The following HAUS7 variants were observed in gnomAD, a reference collection of about 807,000 sequenced individuals.
HAUS7 encodes the protein HAUS augmin-like complex subunit 7.
HAUS7 carries 3 observed loss-of-function variants against 28.4 expected under a neutral mutation model. The observed-to-expected ratio is 0.11, with a 90% CI of 0.05 to 0.27. HAUS7 has a LOEUF of 0.27. Ranked by LOEUF, HAUS7 falls within the 10% of genes least tolerant of loss-of-function variation. HAUS7 has a pLI of 1.00. For missense variants in HAUS7, 284 were observed against 297.3 expected (o/e 0.96, Z 0.33); for synonymous variants, 165 against 132.1 (o/e 1.25, Z -1.71).
chrX:153,491,047 G>A (rs1301350743), intron 1 of HAUS7, among the ~76,000 whole-genome samples: 3 of 111,595 alleles, frequency 2.7e-5, no homozygotes, highest in African/African-American at 9.8e-5. Flanking sequence ...ATGGAAGGGT[G>A]GGGAGGTTCG....
intron 1 of HAUS7, among the ~76,000 whole-genome samples, chrX:153,480,376 T>G (rs1164609285): frequency 9.2e-6 from 1 of 108,371 alleles, no homozygotes; most frequent in Admixed American, 9.6e-5. Context: ...TGAGAGGTAC[T>G]CTGGGTTACT....
rs1002777600 is a variant in HAUS7 at position 153,469,346 on chromosome X, G to C, written c.109-85C>G. On this transcript the variant is annotated intron_variant, in intron 1 of 9. Coordinates refer to ENST00000370211, the MANE Select transcript of HAUS7 (RefSeq NM_001385482.1). ...TATTTATTTATTTATTTTTGAGACG[G>C]AGTCTCACTCTGTCGCCCAGCCTGG... 3.7e-5 allele frequency: 18 copies of C among 480,907 alleles called. No individual in the cohort carries two copies. The Middle Eastern group carries it at 1.8e-3, about 47-fold the overall frequency. 39.6% of individuals were successfully genotyped at this position (480,907 alleles called of 1,213,427 possible).
chrX:153,462,950 G>A (rs1032889754), intron 3 of HAUS7: 46 of 434,451 alleles, frequency 1.1e-4, no homozygotes, highest in Non-Finnish European at 2.1e-5. Flanking sequence ...AGCTGCCTGA[G>A]GAGTGGACAG....
chrX:153,488,309 C>T (rs1255923723), intron 1 of HAUS7, among the ~76,000 whole-genome samples: 1 of 113,412 alleles, frequency 8.8e-6, no homozygotes, highest in Non-Finnish European at 1.9e-5. Flanking sequence ...TCTCCTTCCC[C>T]TCTGCCTCCG....
At chrX:153,482,367 C>G (rs942812433) in intron 1 of HAUS7, 1 of 755,422 alleles carries the variant, frequency 1.3e-6, no homozygotes, top group Non-Finnish European at 1.6e-6. Context: ...GTTGGGAACT[C>G]GCTGACCACA....
chrX:153,460,834 C>T (rs188522384), intron 4 of HAUS7, among the ~76,000 whole-genome samples: 10 of 112,404 alleles, frequency 8.9e-5, no homozygotes, highest in Admixed American at 8.4e-4. Context: ...ACCACCATCA[C>T]GGAAGTGGGT....
At chrX:153,467,947 C>T (rs888033115) in intron 2 of HAUS7, among the ~76,000 whole-genome samples, 2 of 112,224 alleles carry the variant, frequency 1.8e-5, no homozygotes, top group African/African-American at 6.5e-5. Flanking sequence ...TGGGTCTTTG[C>T]GGGCTGTACA....
upstream of HAUS7, among the ~76,000 whole-genome samples, chrX:153,473,975 G>A (rs1556985790): frequency 8.9e-6 from 1 of 112,396 alleles, no homozygotes; most frequent in African/African-American, 3.2e-5. Context: ...GAGCCCACCC[G>A]AAACCCAGCC....
intron 4 of HAUS7, 24 bp from the exon 5 acceptor site, chrX:153,457,252 T>C (rs782263587): frequency 9.6e-7 from 1 of 1,046,426 alleles, no homozygotes; most frequent in African/African-American, 1.8e-5. Flanking sequence ...ACCACAGACA[T>C]TCACTGGCTC....
At chrX:153,491,918 G>A (rs782530839) in intron 1 of HAUS7, among the ~76,000 whole-genome samples, 42 of 112,926 alleles carry the variant, frequency 3.7e-4, no homozygotes, top group Non-Finnish European at 7.0e-4. Context: ...ACAGCCTTTT[G>A]GGGGAAGCAT....
At chrX:153,475,804 G>A (rs1424284324) in intron 1 of HAUS7, among the ~76,000 whole-genome samples, 24 of 82,572 alleles carry the variant, frequency 2.9e-4, no homozygotes, top group African/African-American at 1.1e-3. Flanking sequence ...GGACAGGCAC[G>A]TAGTAGGTGC....
At chrX:153,456,150 A>G (rs782296315) in intron 7 of HAUS7, 115 bp downstream of exon 7, 4 of 565,498 alleles carry the variant, frequency 7.1e-6, no homozygotes, top group Non-Finnish European at 1.2e-5. Context: ...ACAGTATTCT[A>G]GAACATGTCA....
intron 1 of HAUS7, among the ~76,000 whole-genome samples, chrX:153,489,171 G>A (rs1449018797): frequency 5.3e-5 from 6 of 112,332 alleles, no homozygotes; most frequent in African/African-American, 1.9e-4. Flanking sequence ...TCCAGCCCAG[G>A]GGATTCCCCA....
At chrX:153,471,711 C>G (rs980824239), upstream of HAUS7, among the ~76,000 whole-genome samples, 20 of 112,376 alleles carry the variant, frequency 1.8e-4, no homozygotes, top group Admixed American at 2.8e-4. Context: ...CAGGGAGACC[C>G]AGGGACCTGC....
upstream of HAUS7, among the ~76,000 whole-genome samples, chrX:153,473,720 G>A (rs2089543980): frequency 8.9e-6 from 1 of 112,590 alleles, no homozygotes. Flanking sequence ...GGCTCAGGAC[G>A]GTCTGAGTGT....
intron 1 of HAUS7, among the ~76,000 whole-genome samples, chrX:153,476,760 C>T: frequency 8.9e-6 from 1 of 111,934 alleles, no homozygotes; most frequent in South Asian, 3.8e-4. Context: ...TCCAGCAACC[C>T]TCGGGCTGCA....
rs1306513561 is a variant in HAUS7, at chrX:153,462,749, C to A, written c.293-78G>T. 3.9e-6 allele frequency: 3 copies of A among 777,608 alleles called. No individual in the cohort carries two copies. In the East Asian group the frequency reaches 9.6e-5, roughly 25 times the overall value. The allele number at this position is 777,608 out of a possible 1,213,427, so 64.1% of individuals were successfully genotyped here. A position where few individuals can be genotyped will look rare whatever the true frequency, so the allele number is the denominator to read the frequency against. On this transcript the variant is annotated intron_variant, in intron 3 of 9. Coordinates refer to ENST00000370211, the MANE Select transcript of HAUS7 (RefSeq NM_001385482.1). Reference sequence around the variant, plus strand: ...GACAGCAGACACCCAGGAAGCCCAGCACCCACAGACTAGACTGGGTATAGG... The same window carrying A: ...GACAGCAGACACCCAGGAAGCCCAGAACCCACAGACTAGACTGGGTATAGG...
intron 1 of HAUS7, among the ~76,000 whole-genome samples, chrX:153,475,588 C>T (rs1246244869): frequency 8.9e-6 from 1 of 112,238 alleles, no homozygotes; most frequent in Non-Finnish European, 1.9e-5. Context: ...TTTTTCTTCT[C>T]CAAGCTTTAA....
intron 9 of HAUS7, among the ~76,000 whole-genome samples, chrX:153,451,793 T>C (rs2089242812): frequency 9.0e-6 from 1 of 111,700 alleles, no homozygotes; most frequent in Non-Finnish European, 1.9e-5. Context: ...TGGAAGACCA[T>C]GGGTGTGTGC....
Sources: allele counts gnomAD v4.1 joint callset (sites outside exome capture counted in the v4.1 genomes callset), GRCh38; gene constraint gnomAD v4.1.1; transcripts MANE v1.5; gene names NCBI Gene and HGNC (gene_info 2026-07-23, HGNC 2026-07-21).